PTPRD: variants seen among roughly 807,000 people sequenced by gnomAD.
PTPRD encodes the protein protein tyrosine phosphatase receptor type D.
Under a neutral mutation model 214.5 loss-of-function variants are expected in PTPRD, and 34 were observed. The ratio of observed to expected loss-of-function variants is 0.16; its 90% CI spans 0.12 to 0.21. The LOEUF is 0.21. Among genes scored for constraint, PTPRD ranks in the 10% least tolerant of loss-of-function variants. PTPRD has a pLI of 1.00. For synonymous variants in PTPRD, 1,128 were observed against 845.7 expected, an observed-to-expected ratio of 1.33 and a Z score of -5.79; for missense variants, 2,545 against 2,398.7, an observed-to-expected ratio of 1.06 and a Z score of -1.27.
At chr9:9,250,326 T>C (rs1042500055) in intron 9 of PTPRD, among the ~76,000 whole-genome samples, 1 of 152,040 alleles carries the variant, frequency 6.6e-6, no homozygotes, top group Non-Finnish European at 1.5e-5. Flanking sequence ...TGTGAAGAAG[T>C]ATAGGCATTG....
At chr9:9,552,821 T>C (rs1000599678) in intron 8 of PTPRD, among the ~76,000 whole-genome samples, 3 of 152,084 alleles carry the variant, frequency 2.0e-5, no homozygotes, top group Non-Finnish European at 2.9e-5. Flanking sequence ...CCTAATACAA[T>C]TGAAAAGTCA....
At chr9:9,680,161 A>C (rs547128652) in intron 7 of PTPRD, among the ~76,000 whole-genome samples, 101 of 151,982 alleles carry the variant, frequency 6.6e-4, no homozygotes, top group African/African-American at 2.4e-3. Context: ...CTTTATTTCC[A>C]GCAATCCTGT....
intron 3 of PTPRD, among the ~76,000 whole-genome samples, chr9:10,211,494 C>T (rs2099516748): frequency 6.6e-6 from 1 of 152,156 alleles, no homozygotes; most frequent in African/African-American, 2.4e-5. Flanking sequence ...ATGATCACAT[C>T]AGCATGTGTC....
At chr9:9,739,371 T>C (rs1258904268) in intron 6 of PTPRD, among the ~76,000 whole-genome samples, 2 of 152,210 alleles carry the variant, frequency 1.3e-5, no homozygotes, top group Non-Finnish European at 2.9e-5. Flanking sequence ...TAAAGGGTTT[T>C]TTTGTTGTCC....
chr9:9,641,980 G>A (rs1412033076), intron 7 of PTPRD, among the ~76,000 whole-genome samples: 3 of 151,576 alleles, frequency 2.0e-5, no homozygotes, highest in African/African-American at 7.3e-5. Flanking sequence ...GTTTATTGCG[G>A]CATTATTCAC....
intron 38 of PTPRD, 89 bp from the exon 39 acceptor site, chr9:8,376,179 G>A (rs1026204751): frequency 6.8e-7 from 1 of 1,461,470 alleles, no homozygotes; most frequent in Admixed American, 1.9e-5. Context: ...GCTAAAATGT[G>A]CTATTTTAAT....
intron 5 of PTPRD, among the ~76,000 whole-genome samples, chr9:9,913,464 C>T (rs1163454955): frequency 2.0e-5 from 3 of 152,092 alleles, no homozygotes; most frequent in Admixed American, 2.0e-4. Context: ...GCATTCATCT[C>T]TCCCAGAAGA....
chr9:8,490,895 C>T (rs186493509), intron 27 of PTPRD, among the ~76,000 whole-genome samples: 3 of 152,096 alleles, frequency 2.0e-5, no homozygotes, highest in African/African-American at 7.3e-5. Flanking sequence ...TTTGTGGGAG[C>T]TGTAACTAAA....
intron 7 of PTPRD, among the ~76,000 whole-genome samples, chr9:9,692,464 C>G (rs529882446): frequency 1.3e-5 from 2 of 151,866 alleles, no homozygotes; most frequent in African/African-American, 4.8e-5. Context: ...TCTGGGTTGT[C>G]TATTCTATTC....
At chr9:8,582,635 T>G (rs973428245) in intron 14 of PTPRD, among the ~76,000 whole-genome samples, 1 of 152,220 alleles carries the variant, frequency 6.6e-6, no homozygotes, top group Non-Finnish European at 1.5e-5. Flanking sequence ...AAGAAAGATG[T>G]TCAGCCCTAC....
At chr9:9,310,793 C>T (rs987672407) in intron 9 of PTPRD, among the ~76,000 whole-genome samples, 5 of 152,002 alleles carry the variant, frequency 3.3e-5, no homozygotes, top group African/African-American at 4.8e-5. Flanking sequence ...TGGCAAATGC[C>T]TGTAATTCCA....
intron 5 of PTPRD, among the ~76,000 whole-genome samples, chr9:9,780,183 A>C (rs1376210059): frequency 6.6e-6 from 1 of 152,182 alleles, no homozygotes; most frequent in Non-Finnish European, 1.5e-5. Context: ...GCGTATTCTC[A>C]CTTATAAGTG....
chr9:9,005,380 T>C (rs780299441), intron 11 of PTPRD, among the ~76,000 whole-genome samples: 1 of 151,908 alleles, frequency 6.6e-6, no homozygotes, highest in South Asian at 2.1e-4. Context: ...TGGTGAATGC[T>C]ACATATGAGA....
At chr9:9,895,961 T>A (rs181708913) in intron 5 of PTPRD, among the ~76,000 whole-genome samples, 9 of 152,212 alleles carry the variant, frequency 5.9e-5, no homozygotes, top group African/African-American at 2.2e-4. Flanking sequence ...GAAGCTAAAC[T>A]TACTCAGAGC....
chr9:10,476,128 G>A (rs1052328997), intron 2 of PTPRD, among the ~76,000 whole-genome samples: 15 of 152,030 alleles, frequency 9.9e-5, no homozygotes, highest in Non-Finnish European at 2.1e-4. Context: ...TTGAAGTTCT[G>A]GCCAGGGCAG....
intron 2 of PTPRD, among the ~76,000 whole-genome samples, chr9:10,549,628 G>A (rs977888282): frequency 6.6e-6 from 1 of 151,996 alleles, no homozygotes; most frequent in Non-Finnish European, 1.5e-5. Context: ...GTCCCTATCC[G>A]TCAGTGTATA....
intron 5 of PTPRD, among the ~76,000 whole-genome samples, chr9:9,876,378 T>G (rs751403589): frequency 1.3e-5 from 2 of 152,164 alleles, no homozygotes; most frequent in East Asian, 3.8e-4. Flanking sequence ...GTAGCAAGCA[T>G]GCATTTAGAA....
intron 2 of PTPRD, among the ~76,000 whole-genome samples, chr9:10,363,268 C>T (rs2097431477): frequency 6.6e-6 from 1 of 152,052 alleles, no homozygotes; most frequent in Non-Finnish European, 1.5e-5. Flanking sequence ...GCTATTGGTC[C>T]AAGGACAACT....
At chr9:8,404,003 A>T (rs543945682) in intron 36 of PTPRD, among the ~76,000 whole-genome samples, 2 of 152,356 alleles carry the variant, frequency 1.3e-5, no homozygotes, top group South Asian at 4.1e-4. Context: ...CTTTAGGGTA[A>T]AGGCAAGAAG....
Sources: gnomAD v4.1 joint callset for allele counts (sites outside exome capture counted in the v4.1 genomes callset) on GRCh38, gnomAD v4.1.1 for gene constraint, MANE v1.5 for transcripts, NCBI Gene and HGNC (gene_info 2026-07-23, HGNC 2026-07-21) for gene names.